JAK1: variants seen among roughly 807,000 people sequenced by gnomAD.
The protein encoded by JAK1 is Janus kinase 1.
In JAK1, 16 loss-of-function variants were observed where a neutral mutation model predicts 136.6. The observed-to-expected ratio is 0.12, with a 90% CI of 0.08 to 0.18. The LOEUF (loss-of-function observed/expected upper bound fraction) is 0.18. Ranked by LOEUF, JAK1 falls within the 10% of genes least tolerant of loss-of-function variation. JAK1 has a pLI of 1.00. For synonymous variants in JAK1, 492 were observed against 519.5 expected (o/e 0.95, Z 0.72); for missense variants, 859 against 1,450.1 (o/e 0.59, Z 6.62).
rs61784702 is a variant in JAK1, at chr1:64,867,700, A to T, written c.648-492T>A. ...GATCACATTTTTTATTTTAAAAATGAGAAAGAAAGGCTGGGGGCGGTGGCT... is the reference window on the plus strand; with the variant it reads ...GATCACATTTTTTATTTTAAAAATGTGAAAGAAAGGCTGGGGGCGGTGGCT... On this transcript the variant is annotated intron_variant, in intron 6 of 24. Coordinates refer to ENST00000342505, the MANE Select transcript of JAK1 (RefSeq NM_002227.4). Among the ~76,000 whole-genome samples, 944 of 152,218 alleles carry T rather than the reference A, an allele frequency of 6.2e-3. 6 individuals are homozygous for T. The highest frequency in any genetic ancestry group is 0.011 in the Non-Finnish European group (733 of 68,032).
Position 64,883,392 on chromosome 1 carries a change from C to T in JAK1, c.90G>A (p.Glu30=), listed in dbSNP as rs1275543137. The T allele has an allele frequency of 1.9e-6, 3 of 1,614,056 alleles. No individual in the cohort carries two copies. The highest frequency in any genetic ancestry group is 1.1e-5 in the South Asian group (1 of 91,082). The part of the protein sequence containing the change: ...RSSKKTEVNL[E]APEPGVEVIF... ...TCACTTCCACCCCTGGCTCAGGGGC[C>T]TCCAGGTTCACCTCAGTCTTCTTGG... The change falls in exon 3 of 25, where the codon GAG becomes GAA. Residue 30 remains glutamate (E), a synonymous_variant. Transcript: ENST00000342505.
At position 64,844,297 on chromosome 1, in the gene JAK1, G is replaced by A. The variant is rs146935189; in HGVS notation, c.2252-82C>T. On this transcript the variant is annotated intron_variant, in intron 16 of 24. Coordinates refer to ENST00000342505, the MANE Select transcript of JAK1 (RefSeq NM_002227.4). The surrounding 1 kb of genome is among the most constrained non-coding windows in gnomAD (Gnocchi z 5.7). ...TTACTGTCACTGCAGCCAGAACAGT[G>A]AGCCAATGAAGGAACTACTTCAAGC... The A allele has an allele frequency of 2.0e-3, 3,108 of 1,547,698 alleles. 64 individuals are homozygous for A. The African/African-American group carries it at 0.038, about 19-fold the overall frequency.
intron 1 of JAK1, among the ~76,000 whole-genome samples, chr1:65,054,665 C>G (rs892368443): frequency 1.3e-5 from 2 of 152,120 alleles, no homozygotes; most frequent in Admixed American, 1.3e-4. Context: ...GGAAGAGGAC[C>G]AGTGAGTTGC....
chr1:64,875,324 A>C (rs1657333574), intron 4 of JAK1, among the ~76,000 whole-genome samples: 1 of 152,208 alleles, frequency 6.6e-6, no homozygotes, highest in Non-Finnish European at 1.5e-5. Flanking sequence ...AGCCAGGCAC[A>C]TATGAGGCAC....
intron 1 of JAK1, among the ~76,000 whole-genome samples, chr1:64,955,307 C>T (rs944327675): frequency 1.3e-5 from 2 of 152,198 alleles, no homozygotes; most frequent in African/African-American, 4.8e-5. Context: ...GAGGATCACA[C>T]ACCACCAGGG....
intron 1 of JAK1, among the ~76,000 whole-genome samples, chr1:65,062,919 T>A (rs898990517): frequency 6.6e-6 from 1 of 152,214 alleles, no homozygotes; most frequent in Non-Finnish European, 1.5e-5. Context: ...CCAGTCTCTG[T>A]CTATATGGTC....
Position 64,834,424 on chromosome 1 carries a change from T to C in JAK1, c.*138A>G, listed in dbSNP as rs1654336985. On this transcript the variant is annotated 3_prime_UTR_variant, in exon 25 of 25. Coordinates refer to ENST00000342505, the MANE Select transcript of JAK1 (RefSeq NM_002227.4). The stretch of plus-strand genomic sequence containing the variant: ...CTACAGTGTGCCTTATACATGTATA[T>C]GTACTGAAGTATGAGTTCAGTGACT... The C allele has an allele frequency of 4.8e-6, 3 of 619,554 alleles. No individual in the cohort carries two copies. Among genetic ancestry groups the C allele is most frequent in the South Asian group, 4.0e-5 (2 of 50,270 alleles). The allele number at this position is 619,554 out of a possible 1,614,324, so 38.4% of individuals were successfully genotyped here.
intron 9 of JAK1, among the ~76,000 whole-genome samples, chr1:64,858,822 C>T (rs1399166417): frequency 6.6e-6 from 1 of 152,104 alleles, no homozygotes. Context: ...CAGTGGCCAA[C>T]ATGTATGGGA....
intron 2 of JAK1, among the ~76,000 whole-genome samples, chr1:64,997,704 G>T (rs557932685): frequency 1.3e-5 from 2 of 152,304 alleles, no homozygotes; most frequent in East Asian, 3.9e-4. Flanking sequence ...TGGTATGAGT[G>T]TGGGAGTGTG....
chr1:65,048,995 C>T (rs1647217272), intron 1 of JAK1, among the ~76,000 whole-genome samples: 1 of 152,222 alleles, frequency 6.6e-6, no homozygotes, highest in Non-Finnish European at 1.5e-5. Flanking sequence ...CTATCCACCC[C>T]TAAGGCAACG....
intron 2 of JAK1, among the ~76,000 whole-genome samples, chr1:65,024,359 G>T (rs1021999618): frequency 3.1e-4 from 47 of 152,116 alleles, no homozygotes; most frequent in African/African-American, 1.1e-3. Flanking sequence ...GATTAATGAC[G>T]TTGAACATCT....
At chr1:64,862,869 A>T (rs920092894) in intron 8 of JAK1, among the ~76,000 whole-genome samples, 1 of 152,198 alleles carries the variant, frequency 6.6e-6, no homozygotes, top group Non-Finnish European at 1.5e-5. Context: ...CCTGTGCAAG[A>T]TCCCATGCCT....
At chr1:65,030,056 C>T (rs1647009409) in intron 2 of JAK1, among the ~76,000 whole-genome samples, 1 of 151,952 alleles carries the variant, frequency 6.6e-6, no homozygotes, top group Non-Finnish European at 1.5e-5. Context: ...GGAGGTGAGG[C>T]TTTGGGGAAG....
chr1:65,009,872 T>G (rs754246776), intron 2 of JAK1, among the ~76,000 whole-genome samples: 4 of 152,226 alleles, frequency 2.6e-5, no homozygotes, highest in Non-Finnish European at 4.4e-5. Context: ...ATTACACTTA[T>G]GCAAAAGCAT....
At position 65,002,899 on chromosome 1, in the gene JAK1, G is replaced by A. The variant is rs532029450; in HGVS notation, c.-78+41581C>T. Among the ~76,000 whole-genome samples, 26 of 152,334 alleles carry A rather than the reference G, an allele frequency of 1.7e-4. No individual in the cohort carries two copies. In the East Asian group the frequency reaches 4.8e-3, roughly 28 times the overall value. On this transcript the variant is annotated intron_variant, in intron 2 of 25. Coordinates refer to the JAK1 transcript ENST00000671954. ...CCGGGAGGGGACGCACGCACGCGCT[G>A]CTCCTTCCAGGTCCCGGCGGGGAAG...
intron 2 of JAK1, among the ~76,000 whole-genome samples, chr1:65,006,161 T>TA (rs2100760172): frequency 6.6e-6 from 1 of 152,322 alleles, no homozygotes; most frequent in Admixed American, 6.5e-5. Flanking sequence ...TTGAGTTTGG[T>TA]AAACTCAAAT....
chr1:64,977,337 A>C (rs1646505177), intron 2 of JAK1, among the ~76,000 whole-genome samples: 1 of 152,132 alleles, frequency 6.6e-6, no homozygotes, highest in South Asian at 2.1e-4. Context: ...TTTTTTGTAG[A>C]GATGAGGTCT....
chr1:64,993,580 T>A (rs957092264), intron 2 of JAK1: 1 of 152,210 alleles, frequency 6.6e-6, no homozygotes, highest in Non-Finnish European at 1.5e-5. Context: ...AGTCCTGTAA[T>A]CCTTGATGAA....
chr1:64,841,641 C>T (rs779439933), intron 17 of JAK1, 40 bp from the exon 18 acceptor site: 79 of 1,608,780 alleles, frequency 4.9e-5, no homozygotes, highest in Middle Eastern at 2.1e-4. Context: ...CCAAAGGAAC[C>T]ACCTACAAAC....
Sources: allele counts gnomAD v4.1 joint callset (sites outside exome capture counted in the v4.1 genomes callset), GRCh38; gene constraint gnomAD v4.1.1; non-coding constraint Gnocchi (gnomAD v3.1); transcripts MANE v1.5; gene names NCBI Gene and HGNC (gene_info 2026-07-23, HGNC 2026-07-21).